ANO3: variants seen among roughly 807,000 people sequenced by gnomAD.
The protein encoded by ANO3 is anoctamin-3.
Under a neutral mutation model 144.8 loss-of-function variants are expected in ANO3, and 99 were observed. The observed-to-expected ratio is 0.68, with a 90% CI of 0.58 to 0.81. The LOEUF is 0.81. ANO3 is among the 30% of genes least tolerant of loss of function. The pLI, the probability that ANO3 is intolerant of heterozygous loss-of-function variation, is 0.00. For synonymous variants in ANO3, 414 were observed against 392.6 expected, an observed-to-expected ratio of 1.05 and a Z score of -0.64; for missense variants, 905 against 1,202.2, an observed-to-expected ratio of 0.75 and a Z score of 3.66.
At chr11:26,565,290 C>T in intron 14 of ANO3, 2 of 1,607,580 alleles carry the variant, frequency 1.2e-6, no homozygotes, top group Admixed American at 1.7e-5. Context: ...TGTGGTAAGC[C>T]ATCCACTTGG....
At chr11:26,608,748 T>C (rs1276247302) in intron 17 of ANO3, among the ~76,000 whole-genome samples, 1 of 152,086 alleles carries the variant, frequency 6.6e-6, no homozygotes, top group African/African-American at 2.4e-5. Flanking sequence ...AGACTGTGTG[T>C]TGGGCTGTGG....
intron 1 of ANO3, among the ~76,000 whole-genome samples, chr11:26,348,657 G>A (rs946722340): frequency 6.6e-6 from 1 of 152,142 alleles, no homozygotes; most frequent in African/African-American, 2.4e-5. Flanking sequence ...TTGAAGATCA[G>A]GTTTTGGATG....
intron 1 of ANO3, among the ~76,000 whole-genome samples, chr11:26,408,495 G>A (rs1377451631): frequency 1.3e-5 from 2 of 149,138 alleles, no homozygotes; most frequent in South Asian, 2.1e-4. Context: ...GAGAGGATGT[G>A]GAGAAATAGG....
intron 1 of ANO3, among the ~76,000 whole-genome samples, chr11:26,278,138 T>C (rs1264575424): frequency 6.6e-6 from 1 of 152,134 alleles, no homozygotes; most frequent in Non-Finnish European, 1.5e-5. Flanking sequence ...TCCGGTGCTA[T>C]TTATTTCACT....
In ANO3 at chr11:26,598,285, GAGATA is replaced by G. The variant is rs1285877324; in HGVS notation, c.1448-74_1448-70del. 3.5e-5 allele frequency: 22 copies of G among 622,456 alleles called. No individual in the cohort carries two copies. In the Admixed American group the frequency reaches 7.0e-4, roughly 20 times the overall value. The allele number at this position is 622,456 out of a possible 1,614,324, so 38.6% of individuals were successfully genotyped here. A position where few individuals can be genotyped will look rare whatever the true frequency, so the allele number is the denominator to read the frequency against. ...ATTTTCATAATTTAATTTTAATTAT[GAGATA>G]AGATATCTCAATATAAAGAAGAAAA... On this transcript the variant is annotated intron_variant, in intron 14 of 26. Transcript: ENST00000256737.
At chr11:26,561,079 G>A (rs375176901) in intron 14 of ANO3, 14 of 1,610,916 alleles carry the variant, frequency 8.7e-6, no homozygotes, top group South Asian at 5.5e-5. Flanking sequence ...ACAGAAGTAC[G>A]AAGTGGAGGT....
chr11:26,643,187 C>T lies in ANO3; in HGVS notation c.2281C>T (p.Gln761Ter). The T allele has an allele frequency of 6.2e-7, 1 of 1,613,572 alleles. No individual in the cohort carries two copies. The highest frequency in any genetic ancestry group is 8.5e-7 in the Non-Finnish European group (1 of 1,179,852). ...LMDEYLEMVL[Q>*]FGFTTIFVAA... ...CTAATGCTCTTCTTTTGCAGTTTTG[C>T]AATTTGGTTTTACCACCATCTTTGT... The change falls in exon 23 of 27, where the codon CAA (glutamine) becomes TAA (stop). Residue 761 changes from glutamine (Q) to a stop codon, truncating the protein, a stop_gained. Transcript: ENST00000256737. LOFTEE classifies it high-confidence loss of function.
At chr11:26,209,617 A>G (rs1851889745) in intron 1 of ANO3, among the ~76,000 whole-genome samples, 1 of 152,192 alleles carries the variant, frequency 6.6e-6, no homozygotes, top group Admixed American at 6.5e-5. Flanking sequence ...TCAACAGTGT[A>G]AAAGCGTTCC....
chr11:26,283,267 A>G (rs1181378211), intron 1 of ANO3, among the ~76,000 whole-genome samples: 4 of 144,284 alleles, frequency 2.8e-5, no homozygotes, highest in Non-Finnish European at 1.5e-5. Context: ...AATGAATGTC[A>G]CATTCACCAA....
At chr11:26,499,302 C>A (rs1011837429) in intron 4 of ANO3, among the ~76,000 whole-genome samples, 1 of 151,694 alleles carries the variant, frequency 6.6e-6, no homozygotes, top group African/African-American at 2.4e-5. Context: ...AATGTAATTG[C>A]ATGTACCAGC....
At chr11:26,329,509 A>T (rs1564967441), upstream of ANO3, among the ~76,000 whole-genome samples, 1 of 152,164 alleles carries the variant, frequency 6.6e-6, no homozygotes, top group African/African-American at 2.4e-5. Context: ...TGGCAGTCCA[A>T]CCTAAAATGT....
intron 12 of ANO3, among the ~76,000 whole-genome samples, chr11:26,549,650 G>T (rs1487556284): frequency 6.6e-6 from 1 of 151,750 alleles, no homozygotes; most frequent in Non-Finnish European, 1.5e-5. Flanking sequence ...TTAGATGATT[G>T]TATATACATA....
chr11:26,526,006 A>G (rs1005633179), intron 7 of ANO3, among the ~76,000 whole-genome samples: 2 of 152,100 alleles, frequency 1.3e-5, no homozygotes, highest in Non-Finnish European at 1.5e-5. Context: ...ATGATGACCC[A>G]CAGTAACAGA....
In ANO3 at chr11:26,541,932, C is replaced by T. The variant is rs1307059128; in HGVS notation, c.1033-15C>T. The T allele has an allele frequency of 4.4e-6, 7 of 1,601,754 alleles. No individual in the cohort carries two copies. The African/African-American group carries it at 5.4e-5, about 12-fold the overall frequency. On this transcript the variant is annotated splice_polypyrimidine_tract_variant and intron_variant, in intron 10 of 26. Coordinates refer to ENST00000256737, the MANE Select transcript of ANO3 (RefSeq NM_031418.4). ...AAAAAATAGAACCAAATGTATCTTA[C>T]TTTATCTGTTGCAGGGAGCCTACAA... is the stretch of plus-strand genomic sequence containing the variant.
intron 1 of ANO3, among the ~76,000 whole-genome samples, chr11:26,432,226 G>A (rs758047676): frequency 6.6e-6 from 1 of 151,936 alleles, no homozygotes; most frequent in South Asian, 2.1e-4. Context: ...AGTGTCTGTT[G>A]ATGTCATTTG....
intron 1 of ANO3, among the ~76,000 whole-genome samples, chr11:26,435,031 A>G (rs1194078418): frequency 2.6e-5 from 4 of 152,160 alleles, no homozygotes; most frequent in African/African-American, 9.7e-5. Context: ...AAAGACTCCC[A>G]CTATTATTGT....
chr11:26,547,121 G>C (rs185320859), intron 11 of ANO3, among the ~76,000 whole-genome samples: 1 of 151,786 alleles, frequency 6.6e-6, no homozygotes, highest in African/African-American at 2.4e-5. Context: ...AAAATGAAAA[G>C]GGATGCTAGT....
chr11:26,471,618 C>A lies in ANO3; in HGVS notation c.432+8470C>A, dbSNP rs145618978. On this transcript the variant is annotated intron_variant, in intron 4 of 26. Coordinates refer to ENST00000256737, the MANE Select transcript of ANO3 (RefSeq NM_031418.4). Reference sequence around the variant, plus strand: ...AAATAAAACTGCACAAAAGCTCCTACAGCTGCCAACAGTTGTGTGTAGAGC... The same window carrying A: ...AAATAAAACTGCACAAAAGCTCCTAAAGCTGCCAACAGTTGTGTGTAGAGC... 4.8e-3 allele frequency among the ~76,000 whole-genome samples: 734 copies of A among 151,968 alleles called. 10 individuals carry two copies. Among genetic ancestry groups the A allele is most frequent in the African/African-American group, 0.017 (696 of 41,494 alleles).
At chr11:26,289,550 ATG>A (rs1452010564) in intron 1 of ANO3, among the ~76,000 whole-genome samples, 87 of 120,970 alleles carry the variant, frequency 7.2e-4, no homozygotes, top group African/African-American at 2.8e-3. Context: ...TATATTCTAT[ATG>A]TGTGTATATG....
Sources: allele counts gnomAD v4.1 joint callset (sites outside exome capture counted in the v4.1 genomes callset), GRCh38; gene constraint gnomAD v4.1.1; transcripts MANE v1.5; gene names NCBI Gene and HGNC (gene_info 2026-07-23, HGNC 2026-07-21).